The following EIF2AK3 variants were observed in gnomAD, a reference collection of about 807,000 sequenced individuals.
The protein encoded by EIF2AK3 is eukaryotic translation initiation factor 2-alpha kinase 3.
A neutral mutation model predicts 113.5 loss-of-function variants in EIF2AK3; 50 were observed. The observed-to-expected ratio is 0.44, with a 90% CI of 0.35 to 0.56. The LOEUF is 0.56. Among genes scored for constraint, EIF2AK3 ranks in the 20% least tolerant of loss-of-function variants. The pLI, the probability that EIF2AK3 is intolerant of heterozygous loss-of-function variation, is 0.00. For missense variants in EIF2AK3, 1,185 were observed against 1,378.0 expected, an observed-to-expected ratio of 0.86 and a Z score of 2.22; for synonymous variants, 448 against 495.4, an observed-to-expected ratio of 0.90 and a Z score of 1.27.
intron 11 of EIF2AK3, 54 bp downstream of exon 11, chr2:88,579,464 G>A (rs1674543610): frequency 6.2e-7 from 1 of 1,605,984 alleles, no homozygotes; most frequent in Admixed American, 1.7e-5. Context: ...TTTTACCCAT[G>A]AGATTAGATC....
At chr2:88,608,776 T>C (rs1367479280) in intron 2 of EIF2AK3, among the ~76,000 whole-genome samples, 1 of 142,156 alleles carries the variant, frequency 7.0e-6, no homozygotes, top group Non-Finnish European at 1.5e-5. Context: ...TGGTGTGACC[T>C]GACTCACCGC....
intron 10 of EIF2AK3, among the ~76,000 whole-genome samples, chr2:88,582,627 T>C (rs558798105): frequency 8.8e-4 from 134 of 152,294 alleles, no homozygotes; most frequent in African/African-American, 3.2e-3. Flanking sequence ...TATATAGAAG[T>C]ATATATATAA....
At chr2:88,605,738 C>T (rs143976616) in intron 2 of EIF2AK3, among the ~76,000 whole-genome samples, 133 of 151,904 alleles carry the variant, frequency 8.8e-4, no homozygotes, top group African/African-American at 3.1e-3. Flanking sequence ...GACTACACTA[C>T]TAGATATCAG....
chr2:88,613,789 T>C lies in EIF2AK3; in HGVS notation c.373A>G (p.Lys125Glu), dbSNP rs1292907531. ...IAALDPENHG[K>E]KQWDLDVGSG... is the part of the protein sequence containing the mutation. ...CCCACATCCAAATCCCACTGCTTTT[T>C]ACCATGATTTTCAGGATCCAAGGCA... The change falls in exon 2 of 17, where the codon AAA (lysine) becomes GAA (glutamate). Residue 125 changes from lysine to glutamate, a missense_variant. Around this residue, in one of 3 missense-constraint regions of EIF2AK3, gnomAD observed 119 missense variants for 178.7 expected, o/e 0.67. Coordinates refer to ENST00000303236, the MANE Select transcript of EIF2AK3 (RefSeq NM_004836.7). 2 of 1,614,002 alleles carry C rather than the reference T, an allele frequency of 1.2e-6. No homozygotes were observed. Among genetic ancestry groups the C allele is most frequent in the African/African-American group, 2.7e-5 (2 of 74,930 alleles).
chr2:88,570,484 A>C (rs569959572), intron 14 of EIF2AK3, among the ~76,000 whole-genome samples: 1 of 152,328 alleles, frequency 6.6e-6, no homozygotes, highest in Non-Finnish European at 1.5e-5. Flanking sequence ...GAAGTTGCCT[A>C]TGAGTGACCA....
chr2:88,559,991 G>A (rs760182790), intron 15 of EIF2AK3, among the ~76,000 whole-genome samples: 2 of 152,210 alleles, frequency 1.3e-5, no homozygotes, highest in South Asian at 2.1e-4. Flanking sequence ...TGGATTCTAT[G>A]GTAATTCTAT....
At position 88,557,674 on chromosome 2, in the gene EIF2AK3, C is replaced by T; in HGVS notation, c.*62G>A. On this transcript the variant is annotated 3_prime_UTR_variant, in exon 17 of 17. Transcript: ENST00000303236. The stretch of plus-strand genomic sequence containing the variant: ...TTTCAAGTCTGCAATTTTGGACAGG[C>T]ATATTCTAAGAAGTAGGCTATTATC... 1 of 1,562,650 alleles carries T rather than the reference C, an allele frequency of 6.4e-7. No homozygotes were observed. The highest frequency in any genetic ancestry group is 8.8e-7 in the Non-Finnish European group (1 of 1,133,150).
chr2:88,584,496 G>T (rs1324190300), intron 9 of EIF2AK3, among the ~76,000 whole-genome samples: 2 of 135,664 alleles, frequency 1.5e-5, no homozygotes, highest in Non-Finnish European at 3.1e-5. Flanking sequence ...CAGCTTGGGT[G>T]ACAGAGTGAG....
intron 2 of EIF2AK3, among the ~76,000 whole-genome samples, chr2:88,606,796 G>A (rs745350128): frequency 1.3e-5 from 2 of 152,164 alleles, no homozygotes; most frequent in Non-Finnish European, 2.9e-5. Flanking sequence ...TCTGATATGG[G>A]GAGGGGGAGG....
intron 2 of EIF2AK3, among the ~76,000 whole-genome samples, chr2:88,605,345 A>C (rs2104457174): frequency 6.6e-6 from 1 of 152,346 alleles, no homozygotes; most frequent in South Asian, 2.1e-4. Flanking sequence ...AAGCTTTTTG[A>C]ATTCTAGAGA....
At chr2:88,593,958 C>T (rs1674948178) in intron 3 of EIF2AK3, 1 of 990,814 alleles carries the variant, frequency 1.0e-6, no homozygotes, top group Admixed American at 5.9e-5. Context: ...AATCGGAAAA[C>T]CAGGTGATCG....
chr2:88,626,775 C>T (rs149456907), intron 1 of EIF2AK3, among the ~76,000 whole-genome samples, 192 bp downstream of exon 1: 233 of 152,370 alleles, frequency 1.5e-3, no homozygotes, highest in African/African-American at 5.2e-3. Context: ...CCTCGGGAGC[C>T]GAGCCCAGGC....
intron 14 of EIF2AK3, among the ~76,000 whole-genome samples, chr2:88,564,034 AAG>A (rs1184998746): frequency 6.6e-6 from 1 of 152,220 alleles, no homozygotes; most frequent in East Asian, 1.9e-4. Flanking sequence ...TATTTAAAAA[AAG>A]AAATGTAGCC....
In EIF2AK3 at chr2:88,580,038, C is replaced by A. The variant is rs1449013459; in HGVS notation, c.1764-398G>T. ...TACAGAAAATGTGTTTTTATCTTAG[C>A]TAATTACCTGTCAATTTTATGGGAA... On this transcript the variant is annotated intron_variant, in intron 10 of 16. Transcript: ENST00000303236. 3 of 238,508 alleles carry A rather than the reference C, an allele frequency of 1.3e-5. No homozygotes were observed. The Admixed American group carries it at 1.6e-4, about 13-fold the overall frequency. The allele number at this position is 238,508 out of a possible 1,614,324, so 14.8% of individuals were successfully genotyped here.
chr2:88,609,901 C>T (rs903667746), intron 2 of EIF2AK3, among the ~76,000 whole-genome samples: 3 of 123,192 alleles, frequency 2.4e-5, no homozygotes, highest in Non-Finnish European at 4.7e-5. Flanking sequence ...TTGAGCCCAG[C>T]AGTTCGAGAT....
At chr2:88,596,207 C>CCCTT (rs1189490391) in intron 2 of EIF2AK3, among the ~76,000 whole-genome samples, 2 of 152,130 alleles carry the variant, frequency 1.3e-5, no homozygotes, top group African/African-American at 2.4e-5. Context: ...AGTGTCCCAT[C>CCCTT]CCTTCTTTCA....
At chr2:88,622,765 T>C (rs1675758842) in intron 1 of EIF2AK3, among the ~76,000 whole-genome samples, 1 of 152,212 alleles carries the variant, frequency 6.6e-6, no homozygotes, top group African/African-American at 2.4e-5. Context: ...TCTGATATGC[T>C]ACTATTCAAG....
At position 88,575,191 on chromosome 2, in the gene EIF2AK3, A is replaced by T. The variant is rs747601591; in HGVS notation, c.2292T>A (p.Ser764Arg). 5.6e-6 allele frequency: 9 copies of T among 1,613,182 alleles called. No individual in the cohort carries two copies. The highest frequency in any genetic ancestry group is 7.6e-6 in the Non-Finnish European group (9 of 1,179,460). ...CTTCCACATCACAGTCTGTAAGGCAACTGTCCTGGAGGTTGTATGCTGCAT... is the reference window on the plus strand; with the variant it reads ...CTTCCACATCACAGTCTGTAAGGCATCTGTCCTGGAGGTTGTATGCTGCAT... ...SVDAAYNLQD[S>R]CLTDCDVEDG... is the part of the protein sequence containing the mutation. Residue 764 changes from serine (S) to arginine (R), a missense_variant, in exon 13 of 17, where the codon AGT becomes AGA. Physicochemically the swap from Ser to Arg is moderately radical, Grantham distance 110. This residue lies in a region of EIF2AK3 where 877 missense variants were observed against 1,024.2 expected (regional missense o/e 0.86). Coordinates refer to ENST00000303236, the MANE Select transcript of EIF2AK3 (RefSeq NM_004836.7).
At chr2:88,577,461 CT>C (rs199735400) in intron 11 of EIF2AK3, among the ~76,000 whole-genome samples, 166 of 139,366 alleles carry the variant, frequency 1.2e-3, no homozygotes, top group Middle Eastern at 3.9e-3. Flanking sequence ...TACAAGCTAT[CT>C]TTTTTTTTTT....
Sources: gnomAD v4.1 joint callset for allele counts (sites outside exome capture counted in the v4.1 genomes callset) on GRCh38, gnomAD v4.1.1 for gene constraint, gnomAD v4.1.1 regional missense constraint, MANE v1.5 for transcripts, NCBI Gene and HGNC (gene_info 2026-07-23, HGNC 2026-07-21) for gene names.